The following ESCO1 variants were observed in gnomAD, a reference collection of about 807,000 sequenced individuals.
ESCO1 encodes establishment of sister chromatid cohesion N-acetyltransferase 1.
A neutral mutation model predicts 83.5 loss-of-function variants in ESCO1; 33 were observed. The observed-to-expected ratio is 0.40, with a 90% CI of 0.30 to 0.53. The LOEUF (loss-of-function observed/expected upper bound fraction) is 0.53, where lower values mean the gene tolerates loss of function less well. Ranked by LOEUF, ESCO1 falls within the 20% of genes least tolerant of loss-of-function variation. The pLI is 0.63. For synonymous variants in ESCO1, 332 were observed against 324.3 expected (o/e 1.02, Z -0.25); for missense variants, 855 against 968.0 (o/e 0.88, Z 1.55).
intron 11 of ESCO1, among the ~76,000 whole-genome samples, chr18:21,530,934 GAAAT>G (rs2037759739): frequency 6.6e-6 from 1 of 152,052 alleles, no homozygotes; most frequent in Non-Finnish European, 1.5e-5. Flanking sequence ...TGGAAAGAAA[GAAAT>G]AAAACTATCT....
At chr18:21,582,713 T>C (rs2038519188) in intron 2 of ESCO1, among the ~76,000 whole-genome samples, 1 of 152,232 alleles carries the variant, frequency 6.6e-6, no homozygotes, top group Admixed American at 6.5e-5. Flanking sequence ...GATAACAAGA[T>C]AATAATACAA....
chr18:21,545,522 G>A (rs185027410), intron 8 of ESCO1, among the ~76,000 whole-genome samples: 4 of 147,350 alleles, frequency 2.7e-5, no homozygotes, highest in African/African-American at 7.6e-5. Context: ...GCAGCGAGCC[G>A]AGATCACACC....
chr18:21,567,539 G>C (rs1038255594), intron 5 of ESCO1, among the ~76,000 whole-genome samples: 1 of 151,638 alleles, frequency 6.6e-6, no homozygotes, highest in Non-Finnish European at 1.5e-5. Flanking sequence ...TTGCAAAGTG[G>C]ACAATTTGCA....
intron 4 of ESCO1, among the ~76,000 whole-genome samples, chr18:21,572,702 C>T (rs984164587): frequency 1.3e-5 from 2 of 152,040 alleles, no homozygotes; most frequent in East Asian, 1.9e-4. Flanking sequence ...CAGTGGCTCA[C>T]GCCTGTAATC....
intron 2 of ESCO1, among the ~76,000 whole-genome samples, chr18:21,583,863 A>G (rs2038537420): frequency 6.6e-6 from 1 of 152,210 alleles, no homozygotes; most frequent in African/African-American, 2.4e-5. Flanking sequence ...TTTATTATAC[A>G]TAAATTATGC....
intron 4 of ESCO1, among the ~76,000 whole-genome samples, chr18:21,572,429 T>A (rs889174972): frequency 1.3e-5 from 2 of 152,224 alleles, no homozygotes; most frequent in Non-Finnish European, 2.9e-5. Context: ...TCAAAATTTA[T>A]TCCAGATACA....
At chr18:21,532,748 G>T in intron 10 of ESCO1, 88 bp from the exon 11 acceptor site, 2 of 1,292,650 alleles carry the variant, frequency 1.5e-6, no homozygotes, top group South Asian at 1.5e-5. Flanking sequence ...TATGACATTT[G>T]ACTGGCTTAA....
Position 21,574,191 on chromosome 18 carries a change from G to C in ESCO1, c.653C>G (p.Ser218Cys). 6.2e-7 allele frequency: 1 copy of C among 1,613,816 alleles called. No individual in the cohort carries two copies. The highest frequency in any genetic ancestry group is 8.5e-7 in the Non-Finnish European group (1 of 1,179,980). Residue 218 changes from serine to cysteine, a missense_variant, in exon 4 of 12, where the codon TCT (serine) becomes TGT (cysteine). Physicochemically the swap from Ser to Cys is moderately radical, Grantham distance 112 (BLOSUM62 -1). Coordinates refer to ENST00000269214, the MANE Select transcript of ESCO1 (RefSeq NM_052911.3). ...VEHQTACACS[S>C]QCTQGSEKCP... Reference sequence around the variant, plus strand: ...CTTTTCAGATCCTTGCGTGCATTGAGAACTACAAGCACAAGCTGTCTGATG... The same window carrying C: ...CTTTTCAGATCCTTGCGTGCATTGACAACTACAAGCACAAGCTGTCTGATG...
At chr18:21,596,303 A>C (rs1262099179) in intron 1 of ESCO1, among the ~76,000 whole-genome samples, 1 of 152,050 alleles carries the variant, frequency 6.6e-6, no homozygotes, top group Non-Finnish European at 1.5e-5. Flanking sequence ...AATTTTTAAG[A>C]GTATAAGGGG....
At chr18:21,578,726 C>A (rs1243855980) in intron 2 of ESCO1, among the ~76,000 whole-genome samples, 6 of 152,146 alleles carry the variant, frequency 3.9e-5, no homozygotes, top group African/African-American at 1.4e-4. Flanking sequence ...GAGACAAAGT[C>A]TCGCTTTGTT....
At chr18:21,550,838 C>T (rs538247583) in intron 8 of ESCO1, among the ~76,000 whole-genome samples, 1 of 152,288 alleles carries the variant, frequency 6.6e-6, no homozygotes, top group Non-Finnish European at 1.5e-5. Flanking sequence ...GTTGGCCGGG[C>T]GTGGTGGCTC....
chr18:21,597,265 G>A (rs2038780085), intron 1 of ESCO1, among the ~76,000 whole-genome samples: 1 of 152,178 alleles, frequency 6.6e-6, no homozygotes, highest in South Asian at 2.1e-4. Flanking sequence ...AAATCCAGCT[G>A]TCTTCTATCA....
chr18:21,589,720 T>TCGAAGATGGCACAAAG (rs1440419662), intron 1 of ESCO1, among the ~76,000 whole-genome samples: 1 of 152,152 alleles, frequency 6.6e-6, no homozygotes, highest in African/African-American at 2.4e-5. Context: ...AATACTTAGC[T>TCGAAGATGGCACAAAG]CGAAGATGGC....
chr18:21,556,379 T>C (rs1325231368), intron 8 of ESCO1, among the ~76,000 whole-genome samples: 1 of 152,228 alleles, frequency 6.6e-6, no homozygotes, highest in Admixed American at 6.5e-5. Flanking sequence ...GAATAAAGTA[T>C]ACATAATTAA....
At chr18:21,567,173 T>C (rs201920715) in intron 5 of ESCO1, among the ~76,000 whole-genome samples, 2 of 152,286 alleles carry the variant, frequency 1.3e-5, no homozygotes, top group East Asian at 1.9e-4. Flanking sequence ...TTTGGTTTTT[T>C]GGTTTTTGAG....
In ESCO1 at chr18:21,536,258, C is replaced by G. The variant is rs1242926637; in HGVS notation, c.2044-73G>C. 6 of 1,482,314 alleles carry G rather than the reference C, an allele frequency of 4.0e-6. No individual in the cohort carries two copies. The Middle Eastern group carries it at 9.1e-4, about 226-fold the overall frequency. 91.8% of individuals were successfully genotyped at this position (1,482,314 alleles called of 1,614,324 possible). Reference sequence around the variant, plus strand: ...CATGTAAAAACACACTATTTCAGTTCAGTAGATCAACTTTATTCCAAGCAG... The same window carrying G: ...CATGTAAAAACACACTATTTCAGTTGAGTAGATCAACTTTATTCCAAGCAG... On this transcript the variant is annotated intron_variant, in intron 9 of 11. Transcript: ENST00000269214.
chr18:21,556,734 T>C (rs553655307), intron 8 of ESCO1, among the ~76,000 whole-genome samples: 1 of 152,222 alleles, frequency 6.6e-6, no homozygotes, highest in East Asian at 1.9e-4. Flanking sequence ...GGAGTCTCGC[T>C]ATGCTGCCCA....
Position 21,574,015 on chromosome 18 carries a change from G to T in ESCO1, c.829C>A (p.Pro277Thr). 1 of 1,613,354 alleles carries T rather than the reference G, an allele frequency of 6.2e-7. No homozygotes were observed. Among genetic ancestry groups the T allele is most frequent in the Non-Finnish European group, 8.5e-7 (1 of 1,179,988 alleles). The change falls in exon 4 of 12, where the codon CCA becomes ACA. Residue 277 changes from proline to threonine, a missense_variant. Physicochemically the swap from Pro to Thr is conservative, Grantham distance 38 (BLOSUM62 -1). Coordinates refer to ENST00000269214, the MANE Select transcript of ESCO1 (RefSeq NM_052911.3). ...HTQVNTNTTL[P>T]KSPQPSVPEQ... is the part of the protein sequence containing the mutation. Reference sequence around the variant, plus strand: ...GGCACTGATGGCTGTGGACTTTTTGGGAGTGTTGTGTTAGTATTCACTTGT... The same window carrying T: ...GGCACTGATGGCTGTGGACTTTTTGTGAGTGTTGTGTTAGTATTCACTTGT...
At chr18:21,566,050 T>C in intron 6 of ESCO1, 96 bp downstream of exon 6, 1 of 1,082,810 alleles carries the variant, frequency 9.2e-7, no homozygotes, top group South Asian at 1.4e-5. Flanking sequence ...GTAGGTAAAC[T>C]GAGGGTTACT....
Sources: allele counts gnomAD v4.1 joint callset (sites outside exome capture counted in the v4.1 genomes callset), GRCh38; gene constraint gnomAD v4.1.1; transcripts MANE v1.5; gene names NCBI Gene and HGNC (gene_info 2026-07-23, HGNC 2026-07-21).